Variants in CDH13 observed in about 807,000 individuals in gnomAD.
CDH13 encodes cadherin-13.
Under a neutral mutation model 63.8 loss-of-function variants are expected in CDH13, and 24 were observed. That is an observed-to-expected ratio of 0.38 (90% CI 0.27 to 0.53). The LOEUF is 0.53. Ranked by LOEUF, CDH13 falls within the 20% of genes least tolerant of loss-of-function variation. CDH13 has a pLI of 0.85. For missense variants in CDH13, 1,049 were observed against 903.1 expected, an observed-to-expected ratio of 1.16 and a Z score of -2.07; for synonymous variants, 503 against 355.3, an observed-to-expected ratio of 1.42 and a Z score of -4.67.
At chr16:83,337,120 C>A (rs1034852288) in intron 5 of CDH13, among the ~76,000 whole-genome samples, 2 of 152,184 alleles carry the variant, frequency 1.3e-5, no homozygotes, top group East Asian at 3.8e-4. Flanking sequence ...CTTTTCAAAG[C>A]ATTTTACGTA....
At chr16:82,922,683 G>T (rs1052407254) in intron 2 of CDH13, among the ~76,000 whole-genome samples, 1 of 152,138 alleles carries the variant, frequency 6.6e-6, no homozygotes, top group Non-Finnish European at 1.5e-5. Flanking sequence ...CTGAAAGTGA[G>T]AATTCTACTT....
intron 3 of CDH13, among the ~76,000 whole-genome samples, chr16:83,043,487 ATGAGTG>A (rs773791988): frequency 7.5e-5 from 10 of 133,264 alleles, no homozygotes; most frequent in South Asian, 2.6e-4. Flanking sequence ...AACTGTATAT[ATGAGTG>A]TGTGTGTGTG....
At chr16:83,565,251 C>T (rs1437056826) in intron 7 of CDH13, among the ~76,000 whole-genome samples, 1 of 152,106 alleles carries the variant, frequency 6.6e-6, no homozygotes, top group Non-Finnish European at 1.5e-5. Context: ...ACCCTGACCC[C>T]AGACTCCTAC....
At chr16:83,717,934 C>T (rs1229545954) in intron 10 of CDH13, 1 of 152,246 alleles carries the variant, frequency 6.6e-6, no homozygotes, top group African/African-American at 2.4e-5. Flanking sequence ...AACTAATTCA[C>T]CACTCTGGCT....
intron 2 of CDH13, among the ~76,000 whole-genome samples, chr16:82,972,342 G>A (rs763890214): frequency 2.6e-5 from 4 of 152,188 alleles, no homozygotes; most frequent in Non-Finnish European, 5.9e-5. Flanking sequence ...TGATTGAAAG[G>A]TAAGACAAGA....
At chr16:83,295,216 A>G (rs760863950) in intron 5 of CDH13, among the ~76,000 whole-genome samples, 6 of 152,216 alleles carry the variant, frequency 3.9e-5, no homozygotes, top group Non-Finnish European at 7.3e-5. Flanking sequence ...GACACCATAT[A>G]TAAAAATCAA....
chr16:83,145,893 T>C (rs1221520177), intron 4 of CDH13, among the ~76,000 whole-genome samples: 4 of 152,046 alleles, frequency 2.6e-5, no homozygotes, highest in African/African-American at 9.7e-5. Flanking sequence ...ACTCTAAGGA[T>C]GAAAAGAAGC....
At chr16:83,560,579 T>C (rs1299422913) in intron 7 of CDH13, among the ~76,000 whole-genome samples, 1 of 152,198 alleles carries the variant, frequency 6.6e-6, no homozygotes, top group East Asian at 1.9e-4. Flanking sequence ...GATGAGCAAC[T>C]CCTAAAGACC....
chr16:83,201,579 T>C (rs2039029924), intron 4 of CDH13, among the ~76,000 whole-genome samples: 1 of 151,872 alleles, frequency 6.6e-6, no homozygotes, highest in African/African-American at 2.4e-5. Context: ...AGAGCATAAT[T>C]TGGGACCAAG....
chr16:83,362,807 T>C (rs2091187196), intron 6 of CDH13, among the ~76,000 whole-genome samples: 1 of 152,196 alleles, frequency 6.6e-6, no homozygotes, highest in African/African-American at 2.4e-5. Flanking sequence ...AACATAAGCA[T>C]TCAGTCCTGC....
intron 6 of CDH13, chr16:83,383,163 T>TC (rs2091602008): frequency 2.0e-5 from 3 of 152,174 alleles, no homozygotes; most frequent in African/African-American, 7.2e-5. Context: ...ACGTGGTCCA[T>TC]CTGATGTTTC....
intron 1 of CDH13, among the ~76,000 whole-genome samples, chr16:82,815,120 T>C (rs796083837): frequency 1.1e-4 from 17 of 152,278 alleles, no homozygotes; most frequent in African/African-American, 3.4e-4. Context: ...ACATCGTTCA[T>C]GACCCACCTG....
intron 6 of CDH13, among the ~76,000 whole-genome samples, chr16:83,427,787 C>T (rs561653735): frequency 2.0e-5 from 3 of 152,274 alleles, no homozygotes; most frequent in East Asian, 3.9e-4. Flanking sequence ...AAGAACCAAC[C>T]ACAGAGTTGA....
chr16:82,898,239 A>T (rs1336601361), intron 2 of CDH13, among the ~76,000 whole-genome samples: 1 of 152,192 alleles, frequency 6.6e-6, no homozygotes, highest in Non-Finnish European at 1.5e-5. Flanking sequence ...TTAAAAATGA[A>T]CATGGCCGGG....
rs150292639 is a variant in CDH13 at position 83,257,050 on chromosome 16, AATG to A, written c.636+39556_636+39558del. 5.4e-3 allele frequency among the ~76,000 whole-genome samples: 826 copies of A among 152,170 alleles called. 7 individuals are homozygous for A. The highest frequency in any genetic ancestry group is 0.019 in the African/African-American group (777 of 41,520). The stretch of plus-strand genomic sequence containing the variant: ...GCAAGAAAGCAAACACTGAACCAGT[AATG>A]ATAAGTAATGACTGATTTTGAAGGA... On this transcript the variant is annotated intron_variant, in intron 5 of 13. Coordinates refer to ENST00000567109, the MANE Select transcript of CDH13 (RefSeq NM_001257.5).
intron 4 of CDH13, among the ~76,000 whole-genome samples, chr16:83,199,310 C>T (rs1300946795): frequency 7.9e-5 from 12 of 152,192 alleles, no homozygotes; most frequent in Admixed American, 7.9e-4. Context: ...AAATAATCAG[C>T]CCTGCTCCTT....
At chr16:83,018,529 C>G (rs1263815648) in intron 2 of CDH13, among the ~76,000 whole-genome samples, 1 of 152,170 alleles carries the variant, frequency 6.6e-6, no homozygotes, top group Admixed American at 6.5e-5. Context: ...TTGAAAGTAC[C>G]CAGTGACAAG....
chr16:83,424,710 A>C (rs1273467577), intron 6 of CDH13, among the ~76,000 whole-genome samples: 2 of 152,226 alleles, frequency 1.3e-5, no homozygotes, highest in East Asian at 3.8e-4. Flanking sequence ...TGCTCTTGGA[A>C]CATTATTGTA....
chr16:83,146,440 A>G (rs2036754645), intron 4 of CDH13, among the ~76,000 whole-genome samples: 2 of 152,028 alleles, frequency 1.3e-5, no homozygotes, highest in Non-Finnish European at 2.9e-5. Flanking sequence ...CATCTCTGCA[A>G]TTTGTTTGGT....
Sources: gnomAD v4.1 joint callset for allele counts (sites outside exome capture counted in the v4.1 genomes callset) on GRCh38, gnomAD v4.1.1 for gene constraint, MANE v1.5 for transcripts, NCBI Gene and HGNC (gene_info 2026-07-23, HGNC 2026-07-21) for gene names.